PCBD2: variants seen among roughly 807,000 people sequenced by gnomAD.
PCBD2 encodes pterin-4-alpha-carbinolamine dehydratase 2.
A neutral mutation model predicts 16.4 loss-of-function variants in PCBD2; 12 were observed. That is an observed-to-expected ratio of 0.73 (90% confidence interval 0.47 to 1.19). PCBD2 has a LOEUF of 1.19. Among genes scored for constraint, PCBD2 ranks in the 50% most tolerant of loss-of-function variants. PCBD2 has a pLI of 0.00. For synonymous variants in PCBD2, 58 were observed against 61.8 expected (o/e 0.94, Z 0.29); for missense variants, 138 against 156.8 (o/e 0.88, Z 0.64).
At chr5:134,908,436 G>T (rs912875000) in intron 1 of PCBD2, among the ~76,000 whole-genome samples, 3 of 152,012 alleles carry the variant, frequency 2.0e-5, no homozygotes, top group Non-Finnish European at 4.4e-5. Flanking sequence ...AGGCTAAGGT[G>T]GGCGGATCCC....
chr5:134,911,389 A>G (rs1407558157), intron 2 of PCBD2, among the ~76,000 whole-genome samples: 3 of 152,236 alleles, frequency 2.0e-5, no homozygotes, highest in African/African-American at 7.2e-5. Flanking sequence ...GTCATCTCCC[A>G]TGACTTAACC....
At chr5:134,958,706 C>T (rs1751440705) in intron 2 of PCBD2, among the ~76,000 whole-genome samples, 1 of 152,198 alleles carries the variant, frequency 6.6e-6, no homozygotes, top group Non-Finnish European at 1.5e-5. Context: ...GGTAGTGAGA[C>T]CCAGAGCACT....
intron 2 of PCBD2, among the ~76,000 whole-genome samples, chr5:134,955,347 C>T (rs144082692): frequency 1.5e-5 from 2 of 133,824 alleles, no homozygotes; most frequent in Admixed American, 7.9e-5. Flanking sequence ...CTTGCTCTGT[C>T]GTCAGGCTGG....
chr5:134,935,011 C>G (rs1278393091), intron 2 of PCBD2, among the ~76,000 whole-genome samples: 1 of 152,178 alleles, frequency 6.6e-6, no homozygotes, highest in Non-Finnish European at 1.5e-5. Flanking sequence ...TATAGCACTC[C>G]TAGTGCCCAT....
chr5:134,924,823 TG>T, intron 2 of PCBD2: 1 of 392,552 alleles, frequency 2.5e-6, no homozygotes. Context: ...GGGTAGGTTT[TG>T]GCTTGTAAGA....
intron 2 of PCBD2, among the ~76,000 whole-genome samples, chr5:134,914,168 T>C (rs1750800338): frequency 1.3e-5 from 2 of 152,088 alleles, no homozygotes; most frequent in South Asian, 4.1e-4. Flanking sequence ...CGATGATATG[T>C]CCATTGTGGT....
chr5:134,915,795 A>G (rs767925403), intron 2 of PCBD2, among the ~76,000 whole-genome samples: 1 of 152,070 alleles, frequency 6.6e-6, no homozygotes, highest in African/African-American at 2.4e-5. Flanking sequence ...GCATATGCAC[A>G]CCATGGTGAG....
At chr5:134,938,295 G>C (rs546406071) in intron 2 of PCBD2, among the ~76,000 whole-genome samples, 1 of 152,322 alleles carries the variant, frequency 6.6e-6, no homozygotes, top group African/African-American at 2.4e-5. Context: ...AACCAGTCCT[G>C]CTTCAGTAGA....
At chr5:134,911,070 G>A (rs1466325479) in intron 2 of PCBD2, among the ~76,000 whole-genome samples, 1 of 152,232 alleles carries the variant, frequency 6.6e-6, no homozygotes, top group Non-Finnish European at 1.5e-5. Flanking sequence ...ATAGAGATAT[G>A]AGCCACTGTG....
chr5:134,947,376 G>A (rs1751307699), intron 2 of PCBD2, among the ~76,000 whole-genome samples: 1 of 148,368 alleles, frequency 6.7e-6, no homozygotes, highest in African/African-American at 2.5e-5. Context: ...TACAGCCATC[G>A]CGCCCGGCCT....
At chr5:134,937,256 T>C (rs1354715817) in intron 2 of PCBD2, among the ~76,000 whole-genome samples, 1 of 152,240 alleles carries the variant, frequency 6.6e-6, no homozygotes, top group Admixed American at 6.5e-5. Flanking sequence ...TATAATAATA[T>C]GGTTACTATT....
At chr5:134,909,392 C>T (rs1480379411) in intron 1 of PCBD2, among the ~76,000 whole-genome samples, 2 of 152,230 alleles carry the variant, frequency 1.3e-5, no homozygotes, top group East Asian at 3.8e-4. Context: ...TGTTTTTCCC[C>T]ATCCGGGGAT....
chr5:134,915,184 G>A (rs902041032), intron 2 of PCBD2, among the ~76,000 whole-genome samples: 3 of 151,820 alleles, frequency 2.0e-5, no homozygotes, highest in Non-Finnish European at 4.4e-5. Context: ...GCGTGGTGGC[G>A]TGCGCCTGTA....
At chr5:134,931,350 T>C (rs1348379869) in intron 2 of PCBD2, among the ~76,000 whole-genome samples, 2 of 152,232 alleles carry the variant, frequency 1.3e-5, no homozygotes, top group African/African-American at 2.4e-5. Context: ...ACTCTTAATA[T>C]TGCATCATTT....
intron 2 of PCBD2, among the ~76,000 whole-genome samples, chr5:134,936,644 T>C (rs138768090): frequency 4.1e-4 from 63 of 152,308 alleles, no homozygotes; most frequent in African/African-American, 1.5e-3. Context: ...TGCAGTATGA[T>C]TTTGTTTCTA....
intron 3 of PCBD2, among the ~76,000 whole-genome samples, chr5:134,960,072 G>A (rs1019928905): frequency 6.6e-6 from 1 of 151,744 alleles, no homozygotes; most frequent in Non-Finnish European, 1.5e-5. Context: ...TAGATACGGG[G>A]TTTCACCATG....
In PCBD2 at chr5:134,960,810, A is replaced by C. The variant is rs1751466293; in HGVS notation, c.*129A>C. The C allele has an allele frequency of 1.4e-6, 1 of 738,542 alleles. No individual in the cohort carries two copies. Among genetic ancestry groups the C allele is most frequent in the South Asian group, 1.8e-5 (1 of 56,474 alleles). The allele number at this position is 738,542 out of a possible 1,614,324, so 45.7% of individuals were successfully genotyped here. On this transcript the variant is annotated 3_prime_UTR_variant, in exon 4 of 4. Coordinates refer to ENST00000254908, the MANE Select transcript of PCBD2 (RefSeq NM_032151.5). ...AAGACAGAGTGTTGCTCTGTCGCCC[A>C]GGCCAGAGTGCAGTGGTATGATCTC...
At chr5:134,942,564 A>G (rs569312476) in intron 2 of PCBD2, among the ~76,000 whole-genome samples, 4 of 152,210 alleles carry the variant, frequency 2.6e-5, no homozygotes, top group Non-Finnish European at 5.9e-5. Context: ...AGTTATGTTC[A>G]GAAGGTACTA....
chr5:134,921,332 A>C (rs569142168), intron 2 of PCBD2, among the ~76,000 whole-genome samples: 1 of 152,158 alleles, frequency 6.6e-6, no homozygotes, highest in Non-Finnish European at 1.5e-5. Context: ...TGCTGTGCTA[A>C]TAAGCCACAG....
Sources: gnomAD v4.1 joint callset for allele counts (sites outside exome capture counted in the v4.1 genomes callset) on GRCh38, gnomAD v4.1.1 for gene constraint, MANE v1.5 for transcripts, NCBI Gene and HGNC (gene_info 2026-07-23, HGNC 2026-07-21) for gene names.